Variants in RPRD1B observed in about 807,000 individuals in gnomAD.
The protein encoded by RPRD1B is regulation of nuclear pre-mRNA domain containing 1B, also known as regulation of nuclear pre-mRNA domain-containing protein 1B.
Under a neutral mutation model 41.5 loss-of-function variants are expected in RPRD1B, and 11 were observed. The observed-to-expected ratio is 0.27, with a 90% CI of 0.17 to 0.44. The LOEUF is 0.44. Ranked by LOEUF, RPRD1B falls within the 20% of genes least tolerant of loss-of-function variation. The probability of loss-of-function intolerance (pLI) is 1.00; values close to 1 mark genes in which losing one functional copy is unlikely to be tolerated. For synonymous variants in RPRD1B, 158 were observed against 155.6 expected (o/e 1.02, Z -0.12); for missense variants, 248 against 389.9 (o/e 0.64, Z 3.06).
intron 6 of RPRD1B, among the ~76,000 whole-genome samples, chr20:38,073,653 A>G (rs994751767): frequency 2.0e-5 from 3 of 152,200 alleles, no homozygotes; most frequent in African/African-American, 7.2e-5. Context: ...AGGGGGAGAT[A>G]GAGAGCTCCT....
At chr20:38,068,877 C>T (rs372696874) in intron 6 of RPRD1B, among the ~76,000 whole-genome samples, 4 of 152,142 alleles carry the variant, frequency 2.6e-5, no homozygotes, top group Admixed American at 6.5e-5. Flanking sequence ...AGTCTCTCTG[C>T]GTGATGGGGC....
At chr20:38,076,735 T>G (rs2074463792) in intron 6 of RPRD1B, among the ~76,000 whole-genome samples, 1 of 149,760 alleles carries the variant, frequency 6.7e-6, no homozygotes, top group African/African-American at 2.5e-5. Flanking sequence ...TCCCTTTCTC[T>G]TTTTGGCCCT....
At chr20:38,085,063 C>G (rs2074547687) in intron 6 of RPRD1B, among the ~76,000 whole-genome samples, 1 of 152,190 alleles carries the variant, frequency 6.6e-6, no homozygotes, top group South Asian at 2.1e-4. Context: ...CCCCCCACAT[C>G]TCAGTATAAA....
At chr20:38,063,512 G>A (rs2074321782) in intron 5 of RPRD1B, among the ~76,000 whole-genome samples, 1 of 152,218 alleles carries the variant, frequency 6.6e-6, no homozygotes, top group African/African-American at 2.4e-5. Context: ...GGCTCAGGAG[G>A]AGAGCAGGTG....
chr20:38,082,161 G>C (rs2074518694), intron 6 of RPRD1B, among the ~76,000 whole-genome samples: 1 of 152,120 alleles, frequency 6.6e-6, no homozygotes, highest in Non-Finnish European at 1.5e-5. Context: ...ATGTCTGGTA[G>C]ATTTTGGCTC....
chr20:38,041,874 TC>T lies in RPRD1B; in HGVS notation c.281+1311del, dbSNP rs547745870. Among the ~76,000 whole-genome samples, 33 of 152,280 alleles carry T rather than the reference TC, an allele frequency of 2.2e-4. No individual in the cohort carries two copies. The East Asian group carries it at 6.2e-3, about 28-fold the overall frequency. ...GTTCCACATTTGCTCATTCATTGGA[TC>T]ATTTGTTTTTTCCTATATTCCAGGC... On this transcript the variant is annotated intron_variant, in intron 2 of 6. Coordinates refer to ENST00000373433, the MANE Select transcript of RPRD1B (RefSeq NM_021215.4).
chr20:38,042,989 G>A (rs563429091), intron 2 of RPRD1B, among the ~76,000 whole-genome samples: 25 of 152,358 alleles, frequency 1.6e-4, no homozygotes, highest in Admixed American at 6.5e-4. Context: ...TCTTCCCAGT[G>A]AGGAGACAGC....
intron 6 of RPRD1B, among the ~76,000 whole-genome samples, chr20:38,086,558 C>T (rs1331462331): frequency 2.0e-5 from 3 of 152,070 alleles, no homozygotes; most frequent in Non-Finnish European, 4.4e-5. Context: ...TGGTCTCGAA[C>T]TCCTGGCCTC....
chr20:38,058,504 T>C (rs1401695930), intron 4 of RPRD1B, among the ~76,000 whole-genome samples: 1 of 152,212 alleles, frequency 6.6e-6, no homozygotes, highest in Non-Finnish European at 1.5e-5. Flanking sequence ...TTGGTGATTA[T>C]GGAGTGGCCT....
intron 3 of RPRD1B, among the ~76,000 whole-genome samples, chr20:38,052,411 G>C (rs535758471): frequency 1.3e-5 from 2 of 152,284 alleles, no homozygotes; most frequent in South Asian, 2.1e-4. Context: ...TGGCTACTCA[G>C]TTCAGTGAGA....
In RPRD1B at chr20:38,046,616, A is replaced by G. The variant is rs575636911; in HGVS notation, c.282-1732A>G. Among the ~76,000 whole-genome samples, 41 of 152,368 alleles carry G rather than the reference A, an allele frequency of 2.7e-4. No homozygotes were observed. In the South Asian group the frequency reaches 8.1e-3, roughly 30 times the overall value. On this transcript the variant is annotated intron_variant, in intron 2 of 6. Coordinates refer to ENST00000373433, the MANE Select transcript of RPRD1B (RefSeq NM_021215.4). ...TGGAGATTAGGGAATGACACACTGA[A>G]GGTGGTGTAACTAAACATACCCCTG...
At chr20:38,089,703 T>C in intron 6 of RPRD1B, 23 bp from the exon 7 acceptor site, 1 of 1,602,848 alleles carries the variant, frequency 6.2e-7, no homozygotes, top group South Asian at 1.1e-5. Context: ...CTTAACGGTA[T>C]TGTCTTCTCT....
chr20:38,086,947 T>G lies in RPRD1B; in HGVS notation c.832-2779T>G, dbSNP rs560414307. ...ACAACTGTTGTTTGGTTTTTTGGGG[T>G]TTTTTTTGTTTTTTTGTTTATTTTT... On this transcript the variant is annotated intron_variant, in intron 6 of 6. Transcript: ENST00000373433. Among the ~76,000 whole-genome samples, 328 of 151,172 alleles carry G rather than the reference T, an allele frequency of 2.2e-3. 1 individual carries two copies. The highest frequency in any genetic ancestry group is 6.9e-3 in the African/African-American group (283 of 41,030).
At chr20:38,036,267 C>T (rs2074002556) in intron 1 of RPRD1B, among the ~76,000 whole-genome samples, 1 of 152,176 alleles carries the variant, frequency 6.6e-6, no homozygotes, top group Non-Finnish European at 1.5e-5. Context: ...GGATTAAGTG[C>T]CTTGTCCACA....
intron 6 of RPRD1B, 34 bp from the exon 7 acceptor site, chr20:38,089,692 A>G (rs761125047): frequency 6.3e-7 from 1 of 1,588,704 alleles, no homozygotes; most frequent in Non-Finnish European, 8.6e-7. Flanking sequence ...GCACGCACAG[A>G]CTTAACGGTA....
intron 2 of RPRD1B, among the ~76,000 whole-genome samples, chr20:38,045,414 A>C (rs2074111029): frequency 6.6e-6 from 1 of 152,234 alleles, no homozygotes; most frequent in Non-Finnish European, 1.5e-5. Context: ...CAGTAGAAAG[A>C]TTTCTTGAAT....
chr20:38,063,856 T>C (rs2074326324), intron 5 of RPRD1B, among the ~76,000 whole-genome samples: 1 of 152,218 alleles, frequency 6.6e-6, no homozygotes, highest in South Asian at 2.1e-4. Context: ...GCATTTTCAC[T>C]GCGTATTTGT....
chr20:38,058,686 GT>G (rs1482922341), intron 4 of RPRD1B, among the ~76,000 whole-genome samples: 2 of 152,092 alleles, frequency 1.3e-5, no homozygotes, highest in African/African-American at 2.4e-5. Context: ...ATTGAAGTAG[GT>G]TGATCAGTCA....
intron 1 of RPRD1B, among the ~76,000 whole-genome samples, chr20:38,036,669 A>G (rs2074006892): frequency 6.6e-6 from 1 of 152,298 alleles, no homozygotes; most frequent in East Asian, 1.9e-4. Flanking sequence ...ATCCAATACA[A>G]CTTTCTATGA....
Sources: gnomAD v4.1 joint callset for allele counts (sites outside exome capture counted in the v4.1 genomes callset) on GRCh38, gnomAD v4.1.1 for gene constraint, MANE v1.5 for transcripts, NCBI Gene and HGNC (gene_info 2026-07-23, HGNC 2026-07-21) for gene names.